KTN1: variants seen among roughly 807,000 people sequenced by gnomAD.
KTN1 encodes the protein kinectin.
Under a neutral mutation model 222.5 loss-of-function variants are expected in KTN1, and 130 were observed. The observed-to-expected ratio is 0.58, with a 90% CI of 0.51 to 0.68. KTN1 has a LOEUF of 0.68. Ranked by LOEUF, KTN1 falls within the 30% of genes least tolerant of loss-of-function variation. The pLI is 0.00. For synonymous variants in KTN1, 512 were observed against 496.3 expected, an observed-to-expected ratio of 1.03 and a Z score of -0.42; for missense variants, 1,508 against 1,500.4, an observed-to-expected ratio of 1.01 and a Z score of -0.08.
At chr14:55,681,531 A>G (rs944600342) in intron 43 of KTN1, 3 of 152,208 alleles carry the variant, frequency 2.0e-5, no homozygotes, top group African/African-American at 4.8e-5. Flanking sequence ...CATATGAATC[A>G]TTGATAATAA....
intron 33 of KTN1, among the ~76,000 whole-genome samples, chr14:55,664,575 A>T (rs1027917523): frequency 1.3e-5 from 2 of 152,110 alleles, no homozygotes; most frequent in African/African-American, 4.8e-5. Context: ...CTGGCTAGCA[A>T]TGACACATGG....
chr14:55,580,246 G>T lies in KTN1; in HGVS notation c.-139G>T. 2 of 143,504 alleles carry T rather than the reference G, an allele frequency of 1.4e-5. No individual in the cohort carries two copies. Among genetic ancestry groups the T allele is most frequent in the South Asian group, 4.0e-4 (2 of 4,970 alleles). The allele number at this position is 143,504 out of a possible 1,614,324, so 8.9% of individuals were successfully genotyped here. On this transcript the variant is annotated 5_prime_UTR_variant, in exon 1 of 44. Transcript: ENST00000395314. ...CCTGCCGAGCGGCGCGACGGCACCT[G>T]AGCGACTGCGGCGGCGGCGGCGGCG...
intron 1 of KTN1, among the ~76,000 whole-genome samples, chr14:55,602,271 G>T (rs2140476666): frequency 6.6e-6 from 1 of 152,282 alleles, no homozygotes; most frequent in African/African-American, 2.4e-5. Flanking sequence ...TTATATGCAT[G>T]TCTGTGTAAA....
At chr14:55,640,854 A>T in intron 15 of KTN1, 79 bp from the exon 16 acceptor site, 1 of 1,116,954 alleles carries the variant, frequency 9.0e-7, no homozygotes, top group South Asian at 1.3e-5. Context: ...CAGCTTTTTA[A>T]TATGTAAAAA....
chr14:55,600,755 A>G (rs1161333937), intron 1 of KTN1, among the ~76,000 whole-genome samples: 2 of 152,190 alleles, frequency 1.3e-5, no homozygotes, highest in African/African-American at 4.8e-5. Flanking sequence ...AGTTTTGATG[A>G]CATGTTCTTT....
chr14:55,677,097 A>C (rs2045943033), intron 41 of KTN1, among the ~76,000 whole-genome samples: 1 of 152,226 alleles, frequency 6.6e-6, no homozygotes, highest in African/African-American at 2.4e-5. Context: ...TGGCAATGAT[A>C]GGTGACAGTT....
At chr14:55,662,305 AGT>A (rs1302831869) in intron 32 of KTN1, among the ~76,000 whole-genome samples, 1 of 151,976 alleles carries the variant, frequency 6.6e-6, no homozygotes, top group Non-Finnish European at 1.5e-5. Flanking sequence ...CCTGATCTCA[AGT>A]GATCCACCTG....
rs1271689272 is a variant in KTN1 at position 55,684,351 on chromosome 14, A to G, written c.*248A>G. 2 of 364,712 alleles carry G rather than the reference A, an allele frequency of 5.5e-6. No individual in the cohort carries two copies. The highest frequency in any genetic ancestry group is 9.8e-6 in the Non-Finnish European group (2 of 204,144). 22.6% of individuals were successfully genotyped at this position (364,712 alleles called of 1,614,324 possible). A position where few individuals can be genotyped will look rare whatever the true frequency, so the allele number is the denominator to read the frequency against. On this transcript the variant is annotated 3_prime_UTR_variant, in exon 44 of 44. Transcript: ENST00000395314. ...TAATTAGACCTTTACATTCCTGAAG[A>G]TAAACATGTAATCTTTTATCTTATT... is the stretch of plus-strand genomic sequence containing the variant.
chr14:55,679,191 A>G (rs1270110430), intron 42 of KTN1: 1 of 187,738 alleles, frequency 5.3e-6, no homozygotes, highest in African/African-American at 2.4e-5. Flanking sequence ...AGTGCCTGGC[A>G]CTTACTTACT....
Position 55,631,523 on chromosome 14 carries a change from C to T in KTN1, c.1221+1426C>T, listed in dbSNP as rs907130361. Among the ~76,000 whole-genome samples, 10 of 151,848 alleles carry T rather than the reference C, an allele frequency of 6.6e-5. No homozygotes were observed. The East Asian group carries it at 9.7e-4, about 15-fold the overall frequency. ...ACACTTTATTTCTATGGCTAGGTGC[C>T]GTGGCTCATGTCTGTAATCCCAGCC... On this transcript the variant is annotated intron_variant, in intron 7 of 43. Transcript: ENST00000395314.
chr14:55,583,387 T>C (rs1393396833), intron 1 of KTN1, among the ~76,000 whole-genome samples: 1 of 152,208 alleles, frequency 6.6e-6, no homozygotes, highest in Non-Finnish European at 1.5e-5. Context: ...ATAGGAAATA[T>C]AATATTCCTC....
chr14:55,672,196 A>G (rs1014857203), intron 37 of KTN1: 3 of 244,946 alleles, frequency 1.2e-5, no homozygotes, highest in African/African-American at 6.8e-5. Flanking sequence ...CCCATAATAT[A>G]GAATTCAAGA....
Position 55,675,911 on chromosome 14 carries a change from T to C in KTN1, c.3848T>C (p.Leu1283Ser). The change falls in exon 41 of 44, where the codon TTG becomes TCG. Residue 1283 changes from leucine (L) to serine (S), a missense_variant. Coordinates refer to ENST00000395314, the MANE Select transcript of KTN1 (RefSeq NM_001079521.2). ...GAAAGACAGAAGGTAGCTGGTGATT[T>C]GCATAAGGTAGGCACTGTTCGTCCT... Reference protein sequence around the residue: ...QNERQKVAGDLHKAQQSLELI... With the variant: ...QNERQKVAGDSHKAQQSLELI... 6.2e-7 allele frequency: 1 copy of C among 1,611,878 alleles called. No individual in the cohort carries two copies. The highest frequency in any genetic ancestry group is 8.5e-7 in the Non-Finnish European group (1 of 1,178,076).
At chr14:55,600,153 A>G (rs1172661222) in intron 1 of KTN1, among the ~76,000 whole-genome samples, 1 of 150,568 alleles carries the variant, frequency 6.6e-6, no homozygotes, top group East Asian at 2.0e-4. Flanking sequence ...CAGAAGAGAC[A>G]TAATACCTAA....
At chr14:55,622,934 A>C (rs1395046535) in intron 5 of KTN1, among the ~76,000 whole-genome samples, 2 of 152,080 alleles carry the variant, frequency 1.3e-5, no homozygotes, top group Admixed American at 6.5e-5. Context: ...TTCCCTCACC[A>C]AATTTCACCC....
intron 43 of KTN1, chr14:55,680,620 G>C (rs371412461): frequency 4.6e-6 from 4 of 872,644 alleles, no homozygotes; most frequent in African/African-American, 3.4e-5. Flanking sequence ...GGAGAGCTTA[G>C]GTATCCTGGA....
intron 24 of KTN1, 135 bp downstream of exon 24, chr14:55,650,772 T>A (rs1053364828): frequency 2.1e-5 from 12 of 560,184 alleles, no homozygotes; most frequent in Admixed American, 3.6e-5. Context: ...TAATTTTATT[T>A]TTTGCCTGAT....
intron 6 of KTN1, among the ~76,000 whole-genome samples, chr14:55,628,247 C>G (rs375725388): frequency 5.6e-4 from 85 of 152,258 alleles, no homozygotes; most frequent in African/African-American, 1.9e-3. Flanking sequence ...TTACAGATAT[C>G]CTAGCTTCAG....
chr14:55,629,962 G>T lies in KTN1; in HGVS notation c.1086G>T (p.Met362Ile). Residue 362 changes from methionine to isoleucine, a missense_variant, in exon 7 of 44, where the codon ATG becomes ATT. By Grantham distance (10) the Met-to-Ile change is conservative. Transcript: ENST00000395314. ...KDRCKQLTQE[M>I]MTEKERSNVV... ...TTTCTGGGATATTCTTTTAGGAAAT[G>T]ATGACAGAGAAAGAAAGAAGCAATG... 1 of 1,585,988 alleles carries T rather than the reference G, an allele frequency of 6.3e-7. No individual in the cohort carries two copies. Among genetic ancestry groups the T allele is most frequent in the South Asian group, 1.1e-5 (1 of 89,162 alleles).
Sources: allele counts gnomAD v4.1 joint callset (sites outside exome capture counted in the v4.1 genomes callset), GRCh38; gene constraint gnomAD v4.1.1; transcripts MANE v1.5; gene names NCBI Gene and HGNC (gene_info 2026-07-23, HGNC 2026-07-21).